Variants in SRP72 observed in about 807,000 individuals in gnomAD.
The protein encoded by SRP72 is signal recognition particle subunit SRP72.
A neutral mutation model predicts 96.3 loss-of-function variants in SRP72; 49 were observed. That is an observed-to-expected ratio of 0.51 (90% CI 0.40 to 0.65). The LOEUF (loss-of-function observed/expected upper bound fraction) is 0.65, where lower values mean the gene tolerates loss of function less well. SRP72 is among the 30% of genes least tolerant of loss of function. The pLI is 0.00. For synonymous variants in SRP72, 267 were observed against 275.2 expected (o/e 0.97, Z 0.30); for missense variants, 736 against 793.3 (o/e 0.93, Z 0.87).
At chr4:56,499,756 CATT>C (rs1431591919) in intron 17 of SRP72, among the ~76,000 whole-genome samples, 4 of 152,188 alleles carry the variant, frequency 2.6e-5, no homozygotes, top group East Asian at 1.9e-4. Context: ...AACACTTTAA[CATT>C]GTTGGTGGGA....
Position 56,467,710 on chromosome 4 carries a change from C to T in SRP72, c.75C>T (p.Gly25=), listed in dbSNP as rs777027061. Residue 25 remains glycine (G), a synonymous_variant, in exon 1 of 19, where the codon GGC becomes GGT. Coordinates refer to ENST00000642900, the MANE Select transcript of SRP72 (RefSeq NM_006947.4). ...WSEVNRYGQN[G]DFTRALKTVN... is the part of the protein sequence containing the mutation. ...AAGTGAACCGGTATGGCCAGAACGG[C>T]GACTTCACGCGCGCTCTCAAGACCG... 2 of 1,554,764 alleles carry T rather than the reference C, an allele frequency of 1.3e-6. No individual in the cohort carries two copies. The highest frequency in any genetic ancestry group is 1.7e-6 in the Non-Finnish European group (2 of 1,153,972).
intron 6 of SRP72, chr4:56,477,158 T>C (rs1720262972): frequency 6.5e-6 from 1 of 152,946 alleles, no homozygotes; most frequent in Non-Finnish European, 1.5e-5. Context: ...TTTTTACCAA[T>C]CTCTTACCAT....
rs1467203278 is a variant in SRP72, at chr4:56,471,855, T to C, written c.354+12T>C. The C allele has an allele frequency of 1.2e-6, 2 of 1,613,570 alleles. No homozygotes were observed. Among genetic ancestry groups the C allele is most frequent in the African/African-American group, 1.3e-5 (1 of 75,034 alleles). On this transcript the variant is annotated intron_variant, in intron 3 of 18. Transcript: ENST00000642900. ...TTTATGGACAAGTGGTAATTACTGCTTTTAAATACATGTTGACAGTGATAC... is the reference window on the plus strand; with the variant it reads ...TTTATGGACAAGTGGTAATTACTGCCTTTAAATACATGTTGACAGTGATAC...
chr4:56,485,942 C>A (rs990267129), intron 10 of SRP72, among the ~76,000 whole-genome samples: 29 of 152,022 alleles, frequency 1.9e-4, no homozygotes, highest in Admixed American at 1.8e-3. Context: ...TTATAAGTAA[C>A]CTAGCAATGA....
At chr4:56,497,485 C>T (rs111685382) in intron 17 of SRP72, among the ~76,000 whole-genome samples, 90 of 152,198 alleles carry the variant, frequency 5.9e-4, no homozygotes, top group African/African-American at 2.1e-3. Context: ...TCCCAAAGTG[C>T]TGGGATTACA....
At chr4:56,470,444 G>T (rs1719929004) in intron 2 of SRP72, among the ~76,000 whole-genome samples, 1 of 151,948 alleles carries the variant, frequency 6.6e-6, no homozygotes, top group South Asian at 2.1e-4. Flanking sequence ...GGAGGCTGAG[G>T]CAGGAGAATC....
At position 56,503,344 on chromosome 4, in the gene SRP72, A is replaced by G. The variant is rs566533583; in HGVS notation, c.*1483A>G. ...ATACCCCATTATAGGAATAACTGTT[A>G]CTTATTTAGGATTCCATCATTGAAA... On this transcript the variant is annotated 3_prime_UTR_variant, in exon 19 of 19. Coordinates refer to ENST00000642900, the MANE Select transcript of SRP72 (RefSeq NM_006947.4). 7.2e-5 allele frequency: 11 copies of G among 152,282 alleles called. No individual in the cohort carries two copies. Among genetic ancestry groups the G allele is most frequent in the Admixed American group, 3.3e-4 (5 of 15,292 alleles). The allele number at this position is 152,282 out of a possible 1,614,324, so 9.4% of individuals were successfully genotyped here.
In SRP72 at chr4:56,484,073, G is replaced by A. The variant is rs113729374; in HGVS notation, c.958-663G>A. Among the ~76,000 whole-genome samples, 257 of 119,902 alleles carry A rather than the reference G, an allele frequency of 2.1e-3. 9 individuals are homozygous for A. The South Asian group carries it at 0.047, about 22-fold the overall frequency. The allele number at this position is 119,902 out of a possible 152,430, so 78.7% of individuals were successfully genotyped here. ...TTTTGAGATGGAGTCTCGCTCTGTC[G>A]CCCAGGCTGGAGTGCAGTGGTGCCA... is the stretch of plus-strand genomic sequence containing the variant. On this transcript the variant is annotated intron_variant, in intron 9 of 18. Transcript: ENST00000642900.
intron 1 of SRP72, 72 bp downstream of exon 1, chr4:56,467,816 AC>A: frequency 7.5e-7 from 1 of 1,325,114 alleles, no homozygotes; most frequent in Non-Finnish European, 9.9e-7. Context: ...GGCGCGCGAG[AC>A]CACCTCGCGC....
chr4:56,471,494 A>G (rs979985808), intron 2 of SRP72, among the ~76,000 whole-genome samples: 1 of 152,232 alleles, frequency 6.6e-6, no homozygotes, highest in African/African-American at 2.4e-5. Flanking sequence ...AATAATTTTA[A>G]TAACAATATC....
At chr4:56,469,000 G>C (rs984503306) in intron 1 of SRP72, among the ~76,000 whole-genome samples, 8 of 152,112 alleles carry the variant, frequency 5.3e-5, no homozygotes, top group African/African-American at 1.4e-4. Flanking sequence ...TGCCACCTGA[G>C]TTCTTCCTTA....
At chr4:56,498,053 T>A (rs1721139331) in intron 17 of SRP72, among the ~76,000 whole-genome samples, 1 of 152,210 alleles carries the variant, frequency 6.6e-6, no homozygotes, top group Non-Finnish European at 1.5e-5. Flanking sequence ...TTTCCACTCC[T>A]CTATTATATA....
intron 9 of SRP72, among the ~76,000 whole-genome samples, chr4:56,484,347 GT>G (rs1720626784): frequency 6.6e-6 from 1 of 151,950 alleles, no homozygotes; most frequent in Non-Finnish European, 1.5e-5. Context: ...AGACAGTAAT[GT>G]TTTTATTATT....
Position 56,490,401 on chromosome 4 carries a change from G to A in SRP72, c.1389G>A (p.Lys463=). The A allele has an allele frequency of 6.2e-7, 1 of 1,614,050 alleles. No homozygotes were observed. Among genetic ancestry groups the A allele is most frequent in the Non-Finnish European group, 8.5e-7 (1 of 1,179,972 alleles). Residue 463 remains lysine, a synonymous_variant, in exon 14 of 19, where the codon AAG becomes AAA. Transcript: ENST00000642900. ...AANFKLKYGR[K]KEAISDLQQL... is the part of the protein sequence containing the mutation. ...ACTTCAAACTCAAATATGGGCGGAA[G>A]AAGGAGGCAATTAGTGACCTACAAC...
At position 56,499,788 on chromosome 4, in the gene SRP72, A is replaced by G. The variant is rs1721195362; in HGVS notation, c.1679-748A>G. Among the ~76,000 whole-genome samples the G allele has an allele frequency of 2.0e-5, 3 of 152,380 alleles. No individual in the cohort carries two copies. In the South Asian group the frequency reaches 6.2e-4, roughly 32 times the overall value. ...GGTGGGAGTGTAAATTAGTTTAGCCATTGTGGAAGACAGTGTGGCAATTCC... is the reference window on the plus strand; with the variant it reads ...GGTGGGAGTGTAAATTAGTTTAGCCGTTGTGGAAGACAGTGTGGCAATTCC... On this transcript the variant is annotated intron_variant, in intron 17 of 18. Coordinates refer to ENST00000642900, the MANE Select transcript of SRP72 (RefSeq NM_006947.4).
intron 8 of SRP72, among the ~76,000 whole-genome samples, chr4:56,478,986 C>T (rs556884529): frequency 2.1e-4 from 32 of 152,094 alleles, no homozygotes; most frequent in African/African-American, 7.7e-4. Context: ...ATGATTTCTT[C>T]GTCTATGGAA....
At position 56,503,372 on chromosome 4, in the gene SRP72, T is replaced by C. The variant is rs1170063290; in HGVS notation, c.*1511T>C. On this transcript the variant is annotated 3_prime_UTR_variant, in exon 19 of 19. Transcript: ENST00000642900. ...TATTTAGGATTCCATCATTGAAAAT[T>C]TTGACCCAAGGCACAGCAGTGAAAT... 6.6e-6 allele frequency: 1 copy of C among 152,206 alleles called. No homozygotes were observed. The highest frequency in any genetic ancestry group is 1.5e-5 in the Non-Finnish European group (1 of 68,016). 9.4% of individuals were successfully genotyped at this position (152,206 alleles called of 1,614,324 possible). A position where few individuals can be genotyped will look rare whatever the true frequency, so the allele number is the denominator to read the frequency against.
At position 56,501,887 on chromosome 4, in the gene SRP72, T is replaced by G. The variant is rs779319563; in HGVS notation, c.*26T>G. ...TGAGAATATTCTTGTTGCAGGCTGT[T>G]TTTAAACTAGTGTCAGTGACACTAG... On this transcript the variant is annotated 3_prime_UTR_variant, in exon 19 of 19. Transcript: ENST00000642900. The G allele has an allele frequency of 6.2e-7, 1 of 1,612,816 alleles. No individual in the cohort carries two copies. The highest frequency in any genetic ancestry group is 8.5e-7 in the Non-Finnish European group (1 of 1,179,072).
At chr4:56,488,059 T>G in intron 12 of SRP72, 46 bp downstream of exon 12, 2 of 1,329,204 alleles carry the variant, frequency 1.5e-6, no homozygotes, top group Non-Finnish European at 2.1e-6. Flanking sequence ...GAATTGATAA[T>G]TTGTATGTCT....
Sources: gnomAD v4.1 joint callset for allele counts (sites outside exome capture counted in the v4.1 genomes callset) on GRCh38, gnomAD v4.1.1 for gene constraint, MANE v1.5 for transcripts, NCBI Gene and HGNC (gene_info 2026-07-23, HGNC 2026-07-21) for gene names.